Variants in LYPD6B observed in about 807,000 individuals in gnomAD.
LYPD6B encodes LY6/PLAUR domain containing 6B, also known as ly6/PLAUR domain-containing protein 6B.
A neutral mutation model predicts 22.8 loss-of-function variants in LYPD6B; 17 were observed. The ratio of observed to expected loss-of-function variants is 0.75; its 90% CI spans 0.51 to 1.12. The LOEUF is 1.12. Among genes scored for constraint, LYPD6B ranks in the 50% most tolerant of loss-of-function variants. LYPD6B has a pLI of 0.00. For synonymous variants in LYPD6B, 106 were observed against 91.6 expected (o/e 1.16, Z -0.90); for missense variants, 221 against 258.3 (o/e 0.86, Z 0.99).
At chr2:149,072,120 C>CAA (rs933878045) in intron 1 of LYPD6B, among the ~76,000 whole-genome samples, 1 of 152,126 alleles carries the variant, frequency 6.6e-6, no homozygotes, top group African/African-American at 2.4e-5. Context: ...TTGGTAGAGA[C>CAA]AGAGTTTTGC....
intron 4 of LYPD6B, 98 bp downstream of exon 4, chr2:149,205,502 A>T (rs554568906): frequency 2.3e-6 from 3 of 1,305,990 alleles, no homozygotes; most frequent in Non-Finnish European, 1.1e-6. Context: ...TCTTTCCCAG[A>T]ACATTTGTTT....
At chr2:149,208,433 A>G in intron 5 of LYPD6B, 21 bp downstream of exon 5, 1 of 1,555,274 alleles carries the variant, frequency 6.4e-7, no homozygotes, top group East Asian at 2.2e-5. Context: ...TGAGTTTGGA[A>G]GACTTCTGTG....
rs185608544 is a variant in LYPD6B at position 149,148,520 on chromosome 2, T to C, written c.6-12244T>C. Among the ~76,000 whole-genome samples, 45 of 152,336 alleles carry C rather than the reference T, an allele frequency of 3.0e-4. No individual in the cohort carries two copies. In the East Asian group the frequency reaches 8.1e-3, roughly 27 times the overall value. ...GGCTCATGGACCTTTTGCAAATTCA[T>C]AGTAGCTCTGAACCATCTCCTTAGA... On this transcript the variant is annotated intron_variant, in intron 2 of 6. Coordinates refer to ENST00000409642, the MANE Select transcript of LYPD6B (RefSeq NM_177964.5).
intron 2 of LYPD6B, among the ~76,000 whole-genome samples, chr2:149,148,748 A>G (rs1689185244): frequency 6.6e-6 from 1 of 152,198 alleles, no homozygotes; most frequent in Admixed American, 6.5e-5. Flanking sequence ...CTAGATTGCC[A>G]GTTTGCCTCC....
In LYPD6B at chr2:149,122,825, C is replaced by T. The variant is rs192362668; in HGVS notation, c.-66-8058C>T. ...CCTCTATACAGATTTTCACATGTTG[C>T]TTTTATTTGGATGGCAATAAAAATT... On this transcript the variant is annotated intron_variant, in intron 1 of 6. Coordinates refer to ENST00000409642, the MANE Select transcript of LYPD6B (RefSeq NM_177964.5). Among the ~76,000 whole-genome samples, 277 of 152,176 alleles carry T rather than the reference C, an allele frequency of 1.8e-3. 7 individuals are homozygous for T. The highest frequency in any genetic ancestry group is 5.3e-4 in the Non-Finnish European group (36 of 67,986).
At chr2:149,069,323 A>T (rs966216833) in intron 1 of LYPD6B, among the ~76,000 whole-genome samples, 10 of 152,290 alleles carry the variant, frequency 6.6e-5, no homozygotes, top group Admixed American at 2.0e-4. Context: ...TACACAGGAC[A>T]TGCCTTGTAG....
intron 1 of LYPD6B, among the ~76,000 whole-genome samples, chr2:149,059,699 T>C (rs1683983139): frequency 6.6e-6 from 1 of 152,206 alleles, no homozygotes; most frequent in South Asian, 2.1e-4. Context: ...GGCTGAAAGA[T>C]GAACAGGTCT....
intron 2 of LYPD6B, among the ~76,000 whole-genome samples, chr2:149,158,300 A>C (rs2105869310): frequency 6.6e-6 from 1 of 152,322 alleles, no homozygotes; most frequent in African/African-American, 2.4e-5. Flanking sequence ...GGTAAACAAA[A>C]TGTGGTATAT....
chr2:149,189,161 C>T (rs1692316119), intron 3 of LYPD6B, among the ~76,000 whole-genome samples: 2 of 151,700 alleles, frequency 1.3e-5, no homozygotes, highest in Non-Finnish European at 2.9e-5. Flanking sequence ...ATTCTCAGGC[C>T]TCCTCCTCTT....
intron 1 of LYPD6B, among the ~76,000 whole-genome samples, chr2:149,083,906 G>A (rs1037513188): frequency 2.6e-5 from 4 of 151,656 alleles, no homozygotes; most frequent in South Asian, 2.1e-4. Flanking sequence ...GAAACCCTGT[G>A]TCTACTAAAA....
intron 3 of LYPD6B, among the ~76,000 whole-genome samples, chr2:149,172,454 G>T (rs1473519695): frequency 2.0e-5 from 3 of 152,056 alleles, no homozygotes; most frequent in Non-Finnish European, 4.4e-5. Context: ...GCGTGGATTT[G>T]TAAGGGCAAA....
At chr2:149,135,007 G>A (rs543819088) in intron 2 of LYPD6B, among the ~76,000 whole-genome samples, 1 of 152,200 alleles carries the variant, frequency 6.6e-6, no homozygotes, top group South Asian at 2.1e-4. Flanking sequence ...CACTTTGGGA[G>A]GCTGAGGCAG....
intron 1 of LYPD6B, among the ~76,000 whole-genome samples, chr2:149,114,778 T>C (rs1019519048): frequency 6.6e-6 from 1 of 152,206 alleles, no homozygotes; most frequent in Non-Finnish European, 1.5e-5. Context: ...CTTTGTCTAA[T>C]GTTCTTAGAA....
chr2:149,070,132 G>A (rs747227301), intron 1 of LYPD6B, among the ~76,000 whole-genome samples: 56 of 152,028 alleles, frequency 3.7e-4, no homozygotes, highest in Admixed American at 1.8e-3. Context: ...CTCTTGGGGC[G>A]TATTCCTTCC....
chr2:149,124,440 C>T (rs1687569591), intron 1 of LYPD6B, among the ~76,000 whole-genome samples: 2 of 152,156 alleles, frequency 1.3e-5, no homozygotes, highest in Non-Finnish European at 2.9e-5. Flanking sequence ...GTTTTTTTGG[C>T]AGGGGTTCTG....
chr2:149,184,169 A>T lies in LYPD6B; in HGVS notation c.78-21084A>T, dbSNP rs564309293. Among the ~76,000 whole-genome samples the T allele has an allele frequency of 2.7e-5, 4 of 145,838 alleles. No homozygotes were observed. In the South Asian group the frequency reaches 9.6e-4, roughly 35 times the overall value. Reference sequence around the variant, plus strand: ...ATTGAGCCATTGCACTCCAGCAACAAGAGTGAAACTCCATCTCAAAAAAAA... The same window carrying T: ...ATTGAGCCATTGCACTCCAGCAACATGAGTGAAACTCCATCTCAAAAAAAA... On this transcript the variant is annotated intron_variant, in intron 3 of 6. Coordinates refer to ENST00000409642, the MANE Select transcript of LYPD6B (RefSeq NM_177964.5).
chr2:149,208,089 A>C (rs1693614000), intron 4 of LYPD6B, among the ~76,000 whole-genome samples: 1 of 152,158 alleles, frequency 6.6e-6, no homozygotes, highest in Admixed American at 6.6e-5. Flanking sequence ...CACTTTCATC[A>C]CTCTATAGTG....
At chr2:149,102,330 G>A (rs1046378279) in intron 1 of LYPD6B, among the ~76,000 whole-genome samples, 1 of 152,168 alleles carries the variant, frequency 6.6e-6, no homozygotes, top group Non-Finnish European at 1.5e-5. Flanking sequence ...ACAGTGAGAC[G>A]GAACTATTGA....
intron 2 of LYPD6B, among the ~76,000 whole-genome samples, chr2:149,142,676 G>A (rs913757135): frequency 1.3e-5 from 2 of 152,026 alleles, no homozygotes; most frequent in South Asian, 4.2e-4. Context: ...AAAAAAAAAA[G>A]TTTTAATTTT....
Sources: gnomAD v4.1 joint callset for allele counts (sites outside exome capture counted in the v4.1 genomes callset) on GRCh38, gnomAD v4.1.1 for gene constraint, MANE v1.5 for transcripts, NCBI Gene and HGNC (gene_info 2026-07-23, HGNC 2026-07-21) for gene names.